The following XKR9 variants were observed in gnomAD, a reference collection of about 807,000 sequenced individuals.
The protein encoded by XKR9 is XK related 9.
A neutral mutation model predicts 32.0 loss-of-function variants in XKR9; 32 were observed. The observed-to-expected ratio is 1.00, with a 90% CI of 0.76 to 1.34. The LOEUF is 1.34. Ranked by LOEUF, XKR9 falls within the 40% of genes most tolerant of loss-of-function variation. XKR9 has a pLI of 0.00. For missense variants in XKR9, 546 were observed against 429.7 expected (o/e 1.27, Z -2.39); for synonymous variants, 168 against 143.4 (o/e 1.17, Z -1.22).
At chr8:70,862,873 C>G in the XKR9 span, among the ~76,000 whole-genome samples, 1 of 152,074 alleles carries the variant, frequency 6.6e-6, no homozygotes, top group Non-Finnish European at 1.5e-5. Flanking sequence ...ATTCTGTGTA[C>G]TCAGGCCAAG....
At chr8:70,713,032 C>T (rs1805971454) in intron 4 of XKR9, among the ~76,000 whole-genome samples, 1 of 151,800 alleles carries the variant, frequency 6.6e-6, no homozygotes, top group Non-Finnish European at 1.5e-5. Flanking sequence ...AACAAGTATC[C>T]TATTATGTTT....
chr8:70,778,600 T>G (rs944021112), intron 2 of XKR9, among the ~76,000 whole-genome samples: 8 of 152,212 alleles, frequency 5.3e-5, no homozygotes, highest in Non-Finnish European at 1.0e-4. Flanking sequence ...TTCTTCCATT[T>G]GTTTGTGTCC....
At chr8:70,780,033 T>A (rs11991857) in intron 2 of XKR9, among the ~76,000 whole-genome samples, 16,930 of 152,028 alleles carry the variant, frequency 0.11, 1,091 homozygotes, top group African/African-American at 0.18. Context: ...TCTAGTTCTT[T>A]TAATTGTGAT....
At chr8:70,738,405 C>G (rs1013969966), downstream of XKR9, among the ~76,000 whole-genome samples, 5 of 148,336 alleles carry the variant, frequency 3.4e-5, no homozygotes, top group Non-Finnish European at 6.0e-5. Context: ...TTTTGTTGAT[C>G]CTTTCAAAAA....
chr8:70,805,510 C>A, the XKR9 span, among the ~76,000 whole-genome samples: 1 of 152,152 alleles, frequency 6.6e-6, no homozygotes, highest in African/African-American at 2.4e-5. Flanking sequence ...CGCTAAGCTC[C>A]CTGGGTGGGG....
downstream of XKR9, among the ~76,000 whole-genome samples, chr8:70,792,334 G>A (rs1807774674): frequency 6.6e-6 from 1 of 152,006 alleles, no homozygotes; most frequent in Admixed American, 6.6e-5. Context: ...TTTAGAGCAG[G>A]GATAAGTACC....
At chr8:70,807,535 C>T in the XKR9 span, among the ~76,000 whole-genome samples, 1 of 152,098 alleles carries the variant, frequency 6.6e-6, no homozygotes, top group African/African-American at 2.4e-5. Context: ...CATGCAAAGA[C>T]ACACAGGGGC....
the XKR9 span, among the ~76,000 whole-genome samples, chr8:70,846,425 A>G: frequency 4.6e-5 from 7 of 152,132 alleles, no homozygotes; most frequent in African/African-American, 1.7e-4. Context: ...ACTATCAGAG[A>G]AAAATCACCA....
chr8:70,771,428 T>C (rs1241084602), intron 2 of XKR9, among the ~76,000 whole-genome samples: 3 of 152,212 alleles, frequency 2.0e-5, no homozygotes, highest in African/African-American at 7.2e-5. Flanking sequence ...CTTGAAATTT[T>C]TATTTTGTGG....
chr8:70,708,160 T>C (rs1193907904), intron 4 of XKR9, among the ~76,000 whole-genome samples: 2 of 152,054 alleles, frequency 1.3e-5, no homozygotes, highest in Non-Finnish European at 2.9e-5. Context: ...CTATTGTGTA[T>C]GAGATCTCTT....
the XKR9 span, among the ~76,000 whole-genome samples, chr8:70,948,229 A>C: frequency 2.6e-5 from 4 of 152,118 alleles, no homozygotes; most frequent in South Asian, 8.3e-4. Context: ...CATTCGTGCC[A>C]GTGAATTCTG....
chr8:70,741,935 C>G (rs1021401811), intron 2 of XKR9, among the ~76,000 whole-genome samples: 29 of 150,172 alleles, frequency 1.9e-4, no homozygotes, highest in Admixed American at 1.8e-3. Context: ...CCCAGTTTCT[C>G]TATATCCTCA....
chr8:70,780,360 C>T (rs925207452), intron 2 of XKR9, among the ~76,000 whole-genome samples: 2 of 151,820 alleles, frequency 1.3e-5, no homozygotes, highest in African/African-American at 4.8e-5. Flanking sequence ...CTAATATAAC[C>T]ATTTAAAGCT....
rs184835978 is a variant in XKR9, at chr8:70,697,167, C to A, written c.273-9766C>A. 7.4e-3 allele frequency among the ~76,000 whole-genome samples: 1,111 copies of A among 150,328 alleles called. 14 individuals are homozygous for A. The highest frequency in any genetic ancestry group is 0.013 in the Non-Finnish European group (849 of 67,212). ...GACTTCCTCTTTTCCTAGTTGAATA[C>A]CCTTCATTTCCTTCTCCTGCCTAAT... On this transcript the variant is annotated intron_variant, in intron 3 of 4. Coordinates refer to ENST00000408926, the MANE Select transcript of XKR9 (RefSeq NM_001011720.2).
At chr8:70,910,196 C>A in the XKR9 span, among the ~76,000 whole-genome samples, 4 of 152,192 alleles carry the variant, frequency 2.6e-5, no homozygotes, top group South Asian at 8.3e-4. Flanking sequence ...GCTCTCCCAA[C>A]AACTAAGTCA....
At chr8:70,829,349 A>C in the XKR9 span, among the ~76,000 whole-genome samples, 3 of 152,242 alleles carry the variant, frequency 2.0e-5, no homozygotes, top group Non-Finnish European at 4.4e-5. Flanking sequence ...ATTTCCATGA[A>C]CTGCTGGAGG....
the XKR9 span, among the ~76,000 whole-genome samples, chr8:70,828,730 G>GA: frequency 5.6e-3 from 666 of 119,538 alleles, 2 homozygotes; most frequent in Middle Eastern, 0.013. Flanking sequence ...CAAAAAAAAA[G>GA]AAAAAAAAAA....
intron 4 of XKR9, among the ~76,000 whole-genome samples, 173 bp from the exon 5 acceptor site, chr8:70,733,623 A>T (rs138034280): frequency 1.3e-5 from 2 of 152,160 alleles, no homozygotes; most frequent in African/African-American, 4.8e-5. Context: ...TATCTCTCCA[A>T]GTCTCAGTTC....
the XKR9 span, among the ~76,000 whole-genome samples, chr8:70,874,574 GA>G: frequency 6.6e-6 from 1 of 152,274 alleles, no homozygotes; most frequent in African/African-American, 2.4e-5. Context: ...TTAAAGGTGT[GA>G]ACCATGAGTA....
Sources: gnomAD v4.1 joint callset for allele counts (sites outside exome capture counted in the v4.1 genomes callset) on GRCh38, gnomAD v4.1.1 for gene constraint, MANE v1.5 for transcripts, NCBI Gene and HGNC (gene_info 2026-07-23, HGNC 2026-07-21) for gene names.